Variants in DRC11 observed in about 807,000 individuals in gnomAD.
DRC11 encodes IQ and AAA domain-containing protein 1.
the DRC11 span, among the ~76,000 whole-genome samples, chr2:236,320,906 G>T: frequency 7.0e-6 from 1 of 143,680 alleles, no homozygotes; most frequent in African/African-American, 2.6e-5. Context: ...CTCCCCATCA[G>T]ATAAAAGTGG....
At chr2:236,359,673 T>C in the DRC11 span, among the ~76,000 whole-genome samples, 2 of 152,208 alleles carry the variant, frequency 1.3e-5, no homozygotes, top group Non-Finnish European at 2.9e-5. This position sits in a 1 kb window ranked among gnomAD's most constrained non-coding sequence, Gnocchi z 4.3. Context: ...TCCAGCTTCC[T>C]GCCGTCAACG....
the DRC11 span, among the ~76,000 whole-genome samples, chr2:236,317,575 TAGG>T: frequency 6.6e-6 from 1 of 152,168 alleles, no homozygotes; most frequent in East Asian, 1.9e-4. This position sits in a 1 kb window ranked among gnomAD's most constrained non-coding sequence, Gnocchi z 5.4. Context: ...GGGCAGTGAT[TAGG>T]AGAAGGGCTT....
At chr2:236,468,252 G>A in the DRC11 span, among the ~76,000 whole-genome samples, 1 of 151,948 alleles carries the variant, frequency 6.6e-6, no homozygotes, top group African/African-American at 2.4e-5. Context: ...CACCACACCT[G>A]GGTAATTTTT....
the DRC11 span, among the ~76,000 whole-genome samples, chr2:236,481,584 A>C: frequency 1.1e-4 from 17 of 152,128 alleles, no homozygotes; most frequent in Non-Finnish European, 1.5e-5. Flanking sequence ...GGTTGCTTCT[A>C]TTCTGACATT....
At chr2:236,488,237 A>G in the DRC11 span, 2 of 1,370,142 alleles carry the variant, frequency 1.5e-6, no homozygotes, top group Non-Finnish European at 9.8e-7. Context: ...CATGTTAACC[A>G]CATCAATTGA....
chr2:236,358,403 ATAAATATATATGATATATGAATATATATC>A, the DRC11 span, among the ~76,000 whole-genome samples: 9 of 141,820 alleles, frequency 6.3e-5, no homozygotes, highest in East Asian at 2.0e-4. Context: ...AATATCATAT[ATAAATATATATGATATATGAATATATATC>A]ATATATAAAT....
the DRC11 span, among the ~76,000 whole-genome samples, chr2:236,366,299 T>C: frequency 6.6e-6 from 1 of 152,166 alleles, no homozygotes; most frequent in East Asian, 1.9e-4. Flanking sequence ...CAGGAGATGT[T>C]CTCAAGGTCC....
At chr2:236,357,970 A>G in the DRC11 span, among the ~76,000 whole-genome samples, 9 of 117,324 alleles carry the variant, frequency 7.7e-5, no homozygotes, top group Non-Finnish European at 1.4e-4. Flanking sequence ...TAATATATGA[A>G]TATATACTCA....
At chr2:236,456,555 C>A in the DRC11 span, among the ~76,000 whole-genome samples, 638 of 152,300 alleles carry the variant, frequency 4.2e-3, 6 homozygotes, top group African/African-American at 0.014. The surrounding 1 kb of genome is among the most constrained non-coding windows in gnomAD (Gnocchi z 5.4). Context: ...TCCCAGGCCA[C>A]CTCACTTCTG....
chr2:236,324,775 A>G, the DRC11 span: 5 of 1,600,372 alleles, frequency 3.1e-6, no homozygotes, highest in African/African-American at 4.0e-5. The surrounding 1 kb of genome is among the most constrained non-coding windows in gnomAD (Gnocchi z 5.7). Flanking sequence ...GAGTTTTGGC[A>G]TACCAGTTCT....
At chr2:236,355,607 C>T in the DRC11 span, among the ~76,000 whole-genome samples, 1 of 152,156 alleles carries the variant, frequency 6.6e-6, no homozygotes, top group African/African-American at 2.4e-5. Flanking sequence ...TCTCTTTCCT[C>T]TCCCCCTCCT....
At chr2:236,424,675 A>G in the DRC11 span, among the ~76,000 whole-genome samples, 1 of 152,040 alleles carries the variant, frequency 6.6e-6, no homozygotes, top group African/African-American at 2.4e-5. Context: ...AACATTTACA[A>G]TCTATTCTCT....
the DRC11 span, among the ~76,000 whole-genome samples, chr2:236,406,068 G>T: frequency 1.3e-5 from 2 of 152,222 alleles, no homozygotes; most frequent in Non-Finnish European, 2.9e-5. The surrounding 1 kb of genome is among the most constrained non-coding windows in gnomAD (Gnocchi z 4.7). Context: ...CGGCTACTGT[G>T]TGAACTTTGT....
chr2:236,458,762 A>G, the DRC11 span, among the ~76,000 whole-genome samples: 1 of 152,040 alleles, frequency 6.6e-6, no homozygotes, highest in African/African-American at 2.4e-5. Context: ...TAGAAAAAAA[A>G]AGGCCAGGCA....
chr2:236,319,283 C>T, the DRC11 span, among the ~76,000 whole-genome samples: 3,092 of 152,276 alleles, frequency 0.02, 100 homozygotes, highest in African/African-American at 0.068. The surrounding 1 kb of genome is among the most constrained non-coding windows in gnomAD (Gnocchi z 6.7). Context: ...GCCGTGTACA[C>T]GGCTCAGTTT....
chr2:236,405,322 C>T, the DRC11 span, among the ~76,000 whole-genome samples: 5 of 151,932 alleles, frequency 3.3e-5, no homozygotes, highest in Non-Finnish European at 7.4e-5. This position sits in a 1 kb window ranked among gnomAD's most constrained non-coding sequence, Gnocchi z 4.6. Flanking sequence ...AGAGTTGAGT[C>T]ACTGTAGTAT....
the DRC11 span, among the ~76,000 whole-genome samples, chr2:236,356,488 G>T: frequency 6.6e-6 from 1 of 152,220 alleles, no homozygotes; most frequent in Non-Finnish European, 1.5e-5. Context: ...CCAGAGGCCA[G>T]CTGGGGGGCC....
the DRC11 span, among the ~76,000 whole-genome samples, chr2:236,452,013 A>G: frequency 6.6e-6 from 1 of 152,182 alleles, no homozygotes; most frequent in African/African-American, 2.4e-5. The surrounding 1 kb of genome is among the most constrained non-coding windows in gnomAD (Gnocchi z 4.7). Context: ...TGGGGAGGGC[A>G]ATGTTAATTT....
chr2:236,417,737 T>A, the DRC11 span, among the ~76,000 whole-genome samples: 1 of 150,626 alleles, frequency 6.6e-6, no homozygotes, highest in African/African-American at 2.4e-5. Context: ...TTGCCCCCCA[T>A]CCCCTAACAG....
Sources: gnomAD v4.1 joint callset for allele counts (sites outside exome capture counted in the v4.1 genomes callset) on GRCh38, gnomAD v4.1.1 for gene constraint, Gnocchi (gnomAD v3.1) non-coding constraint, MANE v1.5 for transcripts, NCBI Gene and HGNC (gene_info 2026-07-23, HGNC 2026-07-21) for gene names.